LRP8: variants seen among roughly 807,000 people sequenced by gnomAD.
The protein encoded by LRP8 is LDL receptor related protein 8, also known as low-density lipoprotein receptor-related protein 8.
A neutral mutation model predicts 111.6 loss-of-function variants in LRP8; 46 were observed. The ratio of observed to expected loss-of-function variants is 0.41; its 90% CI spans 0.33 to 0.53. LRP8 has a LOEUF of 0.53. Among genes scored for constraint, LRP8 ranks in the 20% least tolerant of loss-of-function variants. The pLI, the probability that LRP8 is intolerant of heterozygous loss-of-function variation, is 0.20. For synonymous variants in LRP8, 464 were observed against 511.2 expected (o/e 0.91, Z 1.24); for missense variants, 959 against 1,297.4 (o/e 0.74, Z 4.01).
At chr1:53,313,345 C>T (rs1335101198) in intron 2 of LRP8, among the ~76,000 whole-genome samples, 2 of 152,008 alleles carry the variant, frequency 1.3e-5, no homozygotes, top group Non-Finnish European at 2.9e-5. Context: ...CACACCCAGT[C>T]ATGTGCGGCA....
intron 2 of LRP8, chr1:53,305,413 G>C (rs946953018): frequency 6.6e-6 from 1 of 152,202 alleles, no homozygotes; most frequent in Admixed American, 6.5e-5. Context: ...CCACCACCAG[G>C]CTTTGTACAC....
intron 3 of LRP8, among the ~76,000 whole-genome samples, chr1:53,282,362 G>A (rs1193285293): frequency 6.6e-6 from 1 of 152,202 alleles, no homozygotes; most frequent in Non-Finnish European, 1.5e-5. Flanking sequence ...CAGACTTGTG[G>A]GATGGATGAG....
intron 14 of LRP8, 91 bp downstream of exon 14, chr1:53,258,228 C>T: frequency 1.5e-6 from 2 of 1,324,210 alleles, no homozygotes; most frequent in Non-Finnish European, 2.1e-6. Flanking sequence ...AGAAAACCAG[C>T]AGCATACTGT....
intron 3 of LRP8, among the ~76,000 whole-genome samples, chr1:53,282,287 A>C (rs1647139343): frequency 6.6e-6 from 1 of 152,186 alleles, no homozygotes; most frequent in Non-Finnish European, 1.5e-5. Flanking sequence ...AGTACAGGGC[A>C]ATCCCTTGGG....
intron 16 of LRP8, among the ~76,000 whole-genome samples, chr1:53,252,268 A>G (rs1192352394): frequency 6.6e-6 from 1 of 151,948 alleles, no homozygotes; most frequent in Non-Finnish European, 1.5e-5. Flanking sequence ...AGTGGCTCAC[A>G]TATGTAATAC....
chr1:53,327,620 G>C (rs929161348), intron 1 of LRP8, among the ~76,000 whole-genome samples, 169 bp downstream of exon 1: 6 of 151,400 alleles, frequency 4.0e-5, no homozygotes, highest in African/African-American at 1.5e-4. Flanking sequence ...GGCCCGCGGG[G>C]GCGGGGGGCC....
rs777877267 is a variant in LRP8, at chr1:53,303,580, A to G, written c.245-13891T>C. Among the ~76,000 whole-genome samples the G allele has an allele frequency of 5.3e-5, 8 of 152,268 alleles. No individual in the cohort carries two copies. Among genetic ancestry groups the G allele is most frequent in the Non-Finnish European group, 1.2e-4 (8 of 68,048 alleles). On this transcript the variant is annotated intron_variant, in intron 2 of 18. Transcript: ENST00000306052. This position sits in a 1 kb window ranked among gnomAD's most constrained non-coding sequence, Gnocchi z 4.3. ...CCCTGTCTCAGGATCTGAGAATCGT[A>G]AAACACACAATTTACAAGTACTTAG... is the stretch of plus-strand genomic sequence containing the variant.
chr1:53,318,398 GCTGC>G (rs1265037959), intron 2 of LRP8, among the ~76,000 whole-genome samples: 1 of 152,152 alleles, frequency 6.6e-6, no homozygotes, highest in African/African-American at 2.4e-5. Flanking sequence ...AAGTCCTTCA[GCTGC>G]CTGCCTCGCT....
chr1:53,326,813 T>C (rs1256876688), intron 2 of LRP8, 60 bp downstream of exon 2: 2 of 1,557,596 alleles, frequency 1.3e-6, no homozygotes, highest in Non-Finnish European at 1.7e-6. Flanking sequence ...GCGCCAAGCA[T>C]GGTGCCCCCC....
At chr1:53,261,015 C>T (rs1286196693) in intron 12 of LRP8, among the ~76,000 whole-genome samples, 1 of 152,144 alleles carries the variant, frequency 6.6e-6, no homozygotes, top group Non-Finnish European at 1.5e-5. Context: ...CACACGAGTC[C>T]ACATGGTTAG....
At chr1:53,323,746 C>A (rs1345545833) in intron 2 of LRP8, among the ~76,000 whole-genome samples, 2 of 152,242 alleles carry the variant, frequency 1.3e-5, no homozygotes, top group Non-Finnish European at 2.9e-5. Flanking sequence ...GTTTGAGTTC[C>A]AGCTCCAACC....
chr1:53,251,671 GGC>G (rs1645900342), intron 16 of LRP8, among the ~76,000 whole-genome samples: 2 of 151,320 alleles, frequency 1.3e-5, no homozygotes, highest in African/African-American at 4.9e-5. Flanking sequence ...ACAGGAACAA[GGC>G]AGTTATCATT....
At chr1:53,289,755 A>G in intron 2 of LRP8, 66 bp from the exon 3 acceptor site, 1 of 1,592,442 alleles carries the variant, frequency 6.3e-7, no homozygotes, top group South Asian at 1.1e-5. Context: ...GCCGACCAGG[A>G]TGTGCTTGGT....
chr1:53,247,160 A>C, intron 18 of LRP8, 104 bp from the exon 19 acceptor site: 54 of 813,624 alleles, frequency 6.6e-5, no homozygotes, highest in Non-Finnish European at 9.8e-5. Context: ...GTATTAGCTC[A>C]CATAATGTTC....
At chr1:53,324,208 G>T (rs866502983) in intron 2 of LRP8, among the ~76,000 whole-genome samples, 3 of 152,166 alleles carry the variant, frequency 2.0e-5, no homozygotes, top group African/African-American at 7.2e-5. Flanking sequence ...TTAATAAAGA[G>T]CTCCTCAGGG....
chr1:53,261,077 A>C (rs977985267), intron 12 of LRP8, among the ~76,000 whole-genome samples: 1 of 152,210 alleles, frequency 6.6e-6, no homozygotes, highest in Admixed American at 6.5e-5. Flanking sequence ...GTACAGGTAC[A>C]ACTGTGCATC....
At chr1:53,251,131 C>T (rs1157632001) in intron 16 of LRP8, among the ~76,000 whole-genome samples, 2 of 152,216 alleles carry the variant, frequency 1.3e-5, no homozygotes, top group Non-Finnish European at 2.9e-5. Context: ...CCAGATCACA[C>T]ACAGTATCTT....
rs898673084 is a variant in LRP8, at chr1:53,243,012, C to T, written c.*4006G>A. The T allele has an allele frequency of 3.3e-5, 5 of 151,982 alleles. No individual in the cohort carries two copies. The highest frequency in any genetic ancestry group is 9.7e-5 in the African/African-American group (4 of 41,378). The allele number at this position is 151,982 out of a possible 1,614,324, so 9.4% of individuals were successfully genotyped here. Reference sequence around the variant, plus strand: ...TTTTTTTTTAACTGAAAAATTGAAGCAGTAATTCTTTAACCTTCTAAATTC... The same window carrying T: ...TTTTTTTTTAACTGAAAAATTGAAGTAGTAATTCTTTAACCTTCTAAATTC... On this transcript the variant is annotated 3_prime_UTR_variant, in exon 19 of 19. Transcript: ENST00000306052.
At chr1:53,259,788 A>C (rs184290378) in intron 13 of LRP8, among the ~76,000 whole-genome samples, 2 of 152,156 alleles carry the variant, frequency 1.3e-5, no homozygotes, top group Non-Finnish European at 2.9e-5. Context: ...TCCAAAGCCC[A>C]TAAGCCCGCG....
Sources: allele counts gnomAD v4.1 joint callset (sites outside exome capture counted in the v4.1 genomes callset), GRCh38; gene constraint gnomAD v4.1.1; non-coding constraint Gnocchi (gnomAD v3.1); transcripts MANE v1.5; gene names NCBI Gene and HGNC (gene_info 2026-07-23, HGNC 2026-07-21).